The following ZNF827 variants were observed in gnomAD, a reference collection of about 807,000 sequenced individuals.
ZNF827 encodes zinc finger protein 827.
A neutral mutation model predicts 102.4 loss-of-function variants in ZNF827; 13 were observed. The observed-to-expected ratio is 0.13, with a 90% CI of 0.08 to 0.20. ZNF827 has a LOEUF of 0.20. ZNF827 is among the 10% of genes least tolerant of loss of function. ZNF827 has a pLI of 1.00. For missense variants in ZNF827, 1,103 were observed against 1,344.4 expected, an observed-to-expected ratio of 0.82 and a Z score of 2.81; for synonymous variants, 523 against 536.2, an observed-to-expected ratio of 0.98 and a Z score of 0.34.
intron 6 of ZNF827, among the ~76,000 whole-genome samples, chr4:145,847,289 T>C (rs577343300): frequency 1.1e-4 from 16 of 152,198 alleles, no homozygotes; most frequent in Middle Eastern, 6.8e-3. Context: ...CACACACACA[T>C]AGAGTTATGG....
intron 1 of ZNF827, among the ~76,000 whole-genome samples, chr4:145,928,345 T>A (rs182768706): frequency 3.9e-5 from 6 of 152,278 alleles, no homozygotes; most frequent in East Asian, 1.9e-4. Context: ...TTGTATTTTT[T>A]AAAAATCTCC....
intron 1 of ZNF827, among the ~76,000 whole-genome samples, chr4:145,911,245 C>A (rs1208057437): frequency 6.6e-6 from 1 of 152,114 alleles, no homozygotes; most frequent in Non-Finnish European, 1.5e-5. Context: ...CTAAGAAGCC[C>A]CAACTTTCTT....
intron 8 of ZNF827, among the ~76,000 whole-genome samples, chr4:145,822,992 T>G (rs948487302): frequency 1.3e-5 from 2 of 152,216 alleles, no homozygotes; most frequent in Admixed American, 6.5e-5. Context: ...CTCGTTTCCA[T>G]GCAAACTGAG....
intron 4 of ZNF827, among the ~76,000 whole-genome samples, chr4:145,877,495 C>T (rs1177841861): frequency 6.6e-6 from 1 of 152,148 alleles, no homozygotes; most frequent in African/African-American, 2.4e-5. Flanking sequence ...ATTTTAAAAT[C>T]TTGCTCTTTA....
intron 8 of ZNF827, among the ~76,000 whole-genome samples, chr4:145,793,152 T>C (rs1739936286): frequency 6.6e-6 from 1 of 150,964 alleles, no homozygotes; most frequent in Non-Finnish European, 1.5e-5. Context: ...TGTAATTTAA[T>C]GTCAATAACT....
At chr4:145,842,037 C>T (rs1350868861) in intron 7 of ZNF827, among the ~76,000 whole-genome samples, 3 of 152,074 alleles carry the variant, frequency 2.0e-5, no homozygotes, top group East Asian at 1.9e-4. Flanking sequence ...ATAGATAAAA[C>T]ATCATAAATC....
chr4:145,866,035 G>A (rs189483435), intron 5 of ZNF827, among the ~76,000 whole-genome samples: 3 of 152,216 alleles, frequency 2.0e-5, no homozygotes, highest in East Asian at 3.9e-4. Context: ...TCCATCTGTC[G>A]GTCCAGAGAG....
intron 5 of ZNF827, among the ~76,000 whole-genome samples, chr4:145,864,909 C>T (rs1235976513): frequency 2.0e-5 from 3 of 152,134 alleles, no homozygotes; most frequent in African/African-American, 7.2e-5. Context: ...ATGTATTTTC[C>T]ATCCGTATAG....
At chr4:145,811,388 T>C (rs187716134) in intron 8 of ZNF827, among the ~76,000 whole-genome samples, 13 of 152,108 alleles carry the variant, frequency 8.5e-5, no homozygotes, top group Non-Finnish European at 1.5e-4. Flanking sequence ...GAGAAGGAGA[T>C]TGGGAGATGG....
Position 145,765,204 on chromosome 4 carries a change from A to G in ZNF827, c.3053-39T>C. The stretch of plus-strand genomic sequence containing the variant: ...AGCTGGGTATAGAGGTGCACAGGGC[A>G]GCGGGGAGAGGAGGGCAGGAGTGGA... On this transcript the variant is annotated intron_variant, in intron 12 of 14. Transcript: ENST00000508784. This position sits in a 1 kb window ranked among gnomAD's most constrained non-coding sequence, Gnocchi z 4.7. 1 of 1,548,346 alleles carries G rather than the reference A, an allele frequency of 6.5e-7. No individual in the cohort carries two copies. Among genetic ancestry groups the G allele is most frequent in the South Asian group, 1.3e-5 (1 of 79,834 alleles).
chr4:145,832,211 G>A (rs1290252506), intron 7 of ZNF827: 1 of 152,454 alleles, frequency 6.6e-6, no homozygotes, highest in Non-Finnish European at 1.5e-5. Flanking sequence ...GCTGCAGTGA[G>A]TGGAGATTGT....
At chr4:145,863,263 A>G (rs987615546) in intron 5 of ZNF827, among the ~76,000 whole-genome samples, 1 of 152,214 alleles carries the variant, frequency 6.6e-6, no homozygotes, top group African/African-American at 2.4e-5. Context: ...TTTTGCAAGG[A>G]TGTGGAGAAA....
At chr4:145,922,969 C>A (rs535983662) in intron 1 of ZNF827, among the ~76,000 whole-genome samples, 7 of 152,292 alleles carry the variant, frequency 4.6e-5, no homozygotes, top group Admixed American at 3.9e-4. Flanking sequence ...CAGATAACAT[C>A]AGTGTTGATA....
At chr4:145,869,907 T>C (rs916399951) in intron 5 of ZNF827, among the ~76,000 whole-genome samples, 8 of 152,174 alleles carry the variant, frequency 5.3e-5, no homozygotes, top group Admixed American at 1.3e-4. Context: ...TAGGAAAGAA[T>C]AGATATTTTG....
At chr4:145,767,737 T>C (rs1735532253) in intron 11 of ZNF827, among the ~76,000 whole-genome samples, 1 of 152,148 alleles carries the variant, frequency 6.6e-6, no homozygotes, top group South Asian at 2.1e-4. Context: ...AGATACACTG[T>C]CAACCTAAAA....
intron 2 of ZNF827, among the ~76,000 whole-genome samples, chr4:145,894,616 C>T (rs559570840): frequency 6.6e-6 from 1 of 152,168 alleles, no homozygotes; most frequent in Admixed American, 6.5e-5. Flanking sequence ...TTAGCTCAAC[C>T]ATGCAACTTG....
In ZNF827 at chr4:145,782,504, A is replaced by T. The variant is rs1035759997; in HGVS notation, c.2384-2993T>A. 2.0e-5 allele frequency among the ~76,000 whole-genome samples: 3 copies of T among 152,152 alleles called. 1 individual carries two copies. The highest frequency in any genetic ancestry group is 2.0e-4 in the Admixed American group (3 of 15,286). On this transcript the variant is annotated intron_variant, in intron 8 of 14. Transcript: ENST00000508784. ...TCTCTTTCAACACATCCAATCAGTC[A>T]CCAGAAGCTGGTGATCTTATGCAGG...
rs113905938 is a variant in ZNF827, at chr4:145,892,538, A to G, written c.1094-123T>C. 64 of 1,060,932 alleles carry G rather than the reference A, an allele frequency of 6.0e-5. No individual in the cohort carries two copies. In the African/African-American group the frequency reaches 9.3e-4, roughly 15 times the overall value. 65.7% of individuals were successfully genotyped at this position (1,060,932 alleles called of 1,614,324 possible). A position where few individuals can be genotyped will look rare whatever the true frequency, so the allele number is the denominator to read the frequency against. The stretch of plus-strand genomic sequence containing the variant: ...AATGATTTGGGTTTTTTTCTTGACA[A>G]TTCCGAGATTTTATCCATAAGAAAG... On this transcript the variant is annotated intron_variant, in intron 2 of 14. Coordinates refer to ENST00000508784, the MANE Select transcript of ZNF827 (RefSeq NM_001306215.2).
intron 5 of ZNF827, among the ~76,000 whole-genome samples, chr4:145,851,076 A>G (rs1292638431): frequency 1.3e-5 from 2 of 152,236 alleles, no homozygotes; most frequent in Non-Finnish European, 2.9e-5. Flanking sequence ...TGCAGCCACA[A>G]ACCAAGGAGT....
Sources: gnomAD v4.1 joint callset for allele counts (sites outside exome capture counted in the v4.1 genomes callset) on GRCh38, gnomAD v4.1.1 for gene constraint, Gnocchi (gnomAD v3.1) non-coding constraint, MANE v1.5 for transcripts, NCBI Gene and HGNC (gene_info 2026-07-23, HGNC 2026-07-21) for gene names.